The following PACRG variants were observed in gnomAD, a reference collection of about 807,000 sequenced individuals.
PACRG encodes the protein parkin coregulated gene protein.
Under a neutral mutation model 29.7 loss-of-function variants are expected in PACRG, and 29 were observed. The observed-to-expected ratio is 0.98, with a 90% CI of 0.73 to 1.33. The LOEUF (loss-of-function observed/expected upper bound fraction) is 1.33, where lower values mean the gene tolerates loss of function less well. PACRG is among the 40% of genes most tolerant of loss of function. PACRG has a pLI of 0.00. For synonymous variants in PACRG, 116 were observed against 118.7 expected, an observed-to-expected ratio of 0.98 and a Z score of 0.15; for missense variants, 279 against 316.2, an observed-to-expected ratio of 0.88 and a Z score of 0.89.
rs112522588 is a variant in PACRG at position 162,820,053 on chromosome 6, A to C, written c.291+5772A>C. The stretch of plus-strand genomic sequence containing the variant: ...CAGGAGGATGCTCTTTAGGTTATAC[A>C]CGAATGCTTTCCAATGACTACTCAT... On this transcript the variant is annotated intron_variant, in intron 2 of 4. Coordinates refer to ENST00000366888, the MANE Select transcript of PACRG (RefSeq NM_001080379.2). Among the ~76,000 whole-genome samples the C allele has an allele frequency of 8.5e-3, 1,288 of 152,316 alleles. 21 individuals are homozygous for C. Among genetic ancestry groups the C allele is most frequent in the African/African-American group, 0.03 (1,235 of 41,566 alleles).
intron 4 of PACRG, among the ~76,000 whole-genome samples, chr6:163,227,525 G>T (rs905038646): frequency 2.6e-5 from 4 of 152,214 alleles, no homozygotes; most frequent in Non-Finnish European, 4.4e-5. Context: ...GTAACGGAAA[G>T]ATAACGAGAG....
chr6:162,762,080 T>G (rs1215383974), intron 1 of PACRG, among the ~76,000 whole-genome samples: 5 of 151,932 alleles, frequency 3.3e-5, no homozygotes, highest in African/African-American at 9.7e-5. Flanking sequence ...TGCTGTCATG[T>G]TCATTGTATC....
intron 4 of PACRG, among the ~76,000 whole-genome samples, chr6:163,270,666 C>T (rs955873598): frequency 6.6e-6 from 1 of 152,120 alleles, no homozygotes; most frequent in Non-Finnish European, 1.5e-5. Flanking sequence ...AGCCACCACA[C>T]TCAGCCTGAA....
intron 4 of PACRG, among the ~76,000 whole-genome samples, chr6:163,098,514 C>A (rs572753330): frequency 5.3e-4 from 81 of 152,282 alleles, no homozygotes; most frequent in African/African-American, 1.9e-3. Flanking sequence ...CCTCACCAGG[C>A]GGGAGAGCCC....
intron 4 of PACRG, among the ~76,000 whole-genome samples, chr6:163,123,315 A>G (rs981948983): frequency 2.0e-5 from 3 of 152,220 alleles, no homozygotes; most frequent in Non-Finnish European, 4.4e-5. Flanking sequence ...CTGTGGTGAC[A>G]AGGAGAAGAG....
At chr6:163,092,892 T>C (rs1186934389) in intron 4 of PACRG, among the ~76,000 whole-genome samples, 1 of 152,184 alleles carries the variant, frequency 6.6e-6, no homozygotes, top group Non-Finnish European at 1.5e-5. Flanking sequence ...CAACTGAAAG[T>C]GTTGTGTGTG....
At chr6:162,781,974 C>T (rs1479895620) in intron 1 of PACRG, among the ~76,000 whole-genome samples, 1 of 151,614 alleles carries the variant, frequency 6.6e-6, no homozygotes, top group Non-Finnish European at 1.5e-5. Context: ...GAAGCAATTG[C>T]TAGATTGAAT....
chr6:162,872,749 A>G (rs1792933594), intron 2 of PACRG, among the ~76,000 whole-genome samples: 1 of 152,158 alleles, frequency 6.6e-6, no homozygotes, highest in African/African-American at 2.4e-5. Context: ...CCTAGCAACT[A>G]CCTTGGTTCC....
intron 2 of PACRG, among the ~76,000 whole-genome samples, chr6:162,829,911 G>C (rs1391053229): frequency 6.6e-6 from 1 of 152,040 alleles, no homozygotes; most frequent in Non-Finnish European, 1.5e-5. Context: ...AGATTATCTT[G>C]CAATGCCTTC....
At chr6:163,292,729 T>C (rs1466920224) in intron 4 of PACRG, among the ~76,000 whole-genome samples, 1 of 152,188 alleles carries the variant, frequency 6.6e-6, no homozygotes, top group Non-Finnish European at 1.5e-5. Flanking sequence ...CAGTCCCCAA[T>C]GGTTGTTTTA....
At chr6:162,927,517 C>T (rs1405893948) in intron 2 of PACRG, among the ~76,000 whole-genome samples, 1 of 152,004 alleles carries the variant, frequency 6.6e-6, no homozygotes, top group Non-Finnish European at 1.5e-5. Context: ...ATGGATGGAG[C>T]TGGAAGCCAT....
chr6:162,764,905 G>A (rs941302033), intron 1 of PACRG, among the ~76,000 whole-genome samples: 3 of 151,578 alleles, frequency 2.0e-5, no homozygotes, highest in Non-Finnish European at 4.4e-5. Context: ...CACCACACCC[G>A]GCTATTTTTT....
intron 2 of PACRG, among the ~76,000 whole-genome samples, chr6:162,948,278 A>G (rs1403361175): frequency 6.6e-6 from 1 of 152,186 alleles, no homozygotes; most frequent in African/African-American, 2.4e-5. Flanking sequence ...ATAGGTGCCA[A>G]CAACATACAT....
At chr6:163,278,238 T>C (rs1370151852) in intron 4 of PACRG, among the ~76,000 whole-genome samples, 2 of 152,172 alleles carry the variant, frequency 1.3e-5, no homozygotes, top group Non-Finnish European at 2.9e-5. Context: ...TGGATATTAG[T>C]ACTTTATCAG....
chr6:163,272,508 T>C (rs1475761431), intron 4 of PACRG, among the ~76,000 whole-genome samples: 1 of 152,208 alleles, frequency 6.6e-6, no homozygotes, highest in African/African-American at 2.4e-5. Context: ...GTAATAGCAT[T>C]GACTATTTCC....
intron 2 of PACRG, among the ~76,000 whole-genome samples, chr6:163,049,145 G>T (rs975899557): frequency 1.3e-5 from 2 of 151,972 alleles, no homozygotes; most frequent in African/African-American, 4.8e-5. Context: ...GTGATAATCA[G>T]ATCAAAATGA....
At chr6:163,291,085 CCT>C (rs886295958) in intron 4 of PACRG, among the ~76,000 whole-genome samples, 2 of 152,238 alleles carry the variant, frequency 1.3e-5, no homozygotes, top group Non-Finnish European at 2.9e-5. Flanking sequence ...GCGGCCTCTC[CCT>C]GAGTCTGGGT....
At chr6:162,761,884 C>T (rs901901832) in intron 1 of PACRG, among the ~76,000 whole-genome samples, 1 of 144,734 alleles carries the variant, frequency 6.9e-6, no homozygotes, top group East Asian at 2.1e-4. Flanking sequence ...TTGCAGTGAG[C>T]CGAGATAGCA....
intron 2 of PACRG, among the ~76,000 whole-genome samples, chr6:162,912,294 CT>C (rs1584737169): frequency 6.6e-6 from 1 of 152,242 alleles, no homozygotes; most frequent in East Asian, 1.9e-4. Context: ...CTGTAAGGCA[CT>C]TTTTTTGTAT....
Sources: allele counts gnomAD v4.1 joint callset (sites outside exome capture counted in the v4.1 genomes callset), GRCh38; gene constraint gnomAD v4.1.1; transcripts MANE v1.5; gene names NCBI Gene and HGNC (gene_info 2026-07-23, HGNC 2026-07-21).